OTOS: variants seen among roughly 807,000 people sequenced by gnomAD.
OTOS encodes the protein otospiralin.
OTOS carries 14 observed loss-of-function variants against 12.5 expected under a neutral mutation model. The observed-to-expected ratio is 1.12, with a 90% CI of 0.74 to 1.76. OTOS has a LOEUF of 1.76. OTOS is among the 40% of genes most tolerant of loss of function. The probability of loss-of-function intolerance (pLI) is 0.00; values close to 1 mark genes in which losing one functional copy is unlikely to be tolerated. For synonymous variants in OTOS, 49 were observed against 47.6 expected, an observed-to-expected ratio of 1.03 and a Z score of -0.12; for missense variants, 141 against 112.8, an observed-to-expected ratio of 1.25 and a Z score of -1.13.
Position 240,139,047 on chromosome 2 carries a change from T to G in OTOS, c.*123A>C. 2.0e-6 allele frequency: 2 copies of G among 1,011,680 alleles called. No individual in the cohort carries two copies. Among genetic ancestry groups the G allele is most frequent in the Non-Finnish European group, 1.4e-6 (1 of 710,508 alleles). The allele number at this position is 1,011,680 out of a possible 1,614,324, so 62.7% of individuals were successfully genotyped here. On this transcript the variant is annotated 3_prime_UTR_variant, in exon 4 of 4. Coordinates refer to ENST00000319460, the MANE Select transcript of OTOS (RefSeq NM_148961.4). ...CTGGTTGTGCATCTTCAGTCCGGAG[T>G]TTATTGAGCGTGAGACCAGGCCTGA...
At chr2:240,139,913 G>A in intron 3 of OTOS, 149 bp downstream of exon 3, 1 of 881,722 alleles carries the variant, frequency 1.1e-6, no homozygotes, top group East Asian at 2.7e-5. Context: ...GGCTCTCAAG[G>A]GCCATGTTTT....
intron 3 of OTOS, 33 bp downstream of exon 3, chr2:240,140,029 G>T: frequency 6.2e-7 from 1 of 1,610,870 alleles, no homozygotes; most frequent in Non-Finnish European, 8.5e-7. Flanking sequence ...AGTTACTTAT[G>T]CAAATGAAAG....
Position 240,140,156 on chromosome 2 carries a change from C to T in OTOS, c.59-68G>A, listed in dbSNP as rs1171800130. 8.7e-6 allele frequency: 14 copies of T among 1,605,170 alleles called. No homozygotes were observed. The African/African-American group carries it at 1.7e-4, about 20-fold the overall frequency. On this transcript the variant is annotated intron_variant, in intron 2 of 3. Coordinates refer to ENST00000319460, the MANE Select transcript of OTOS (RefSeq NM_148961.4). The stretch of plus-strand genomic sequence containing the variant: ...GGTGCCGGTTGGGCCCACCCGACAC[C>T]AGCTGCAGGGCTCTAAGGTTTCCTA...
chr2:240,140,025 T>G lies in OTOS; in HGVS notation c.85+37A>C, dbSNP rs755159409. ...TTTCTCCCCGCTGCATACCAGTTAC[T>G]TATGCAAATGAAAGGAAAGAAATTG... On this transcript the variant is annotated intron_variant, in intron 3 of 3. Transcript: ENST00000319460. 62 of 1,609,048 alleles carry G rather than the reference T, an allele frequency of 3.9e-5. 2 individuals are homozygous for G. In the South Asian group the frequency reaches 6.8e-4, roughly 18 times the overall value.
In OTOS at chr2:240,139,353, G is replaced by A; in HGVS notation, c.87C>T (p.Asp29=). The change falls in exon 4 of 4, where the codon GAC becomes GAT. Residue 29 remains aspartate (D), a splice_region_variant and synonymous_variant. Transcript: ENST00000319460. ...AGAKPVQEEG[D]PYAELPAMPY... ...GCATGGCCGGCAGCTCCGCGTAAGG[G>A]TCTGAAAGACACAAGACACCTGCCT... 6.2e-7 allele frequency: 1 copy of A among 1,611,016 alleles called. No individual in the cohort carries two copies. Among genetic ancestry groups the A allele is most frequent in the Non-Finnish European group, 8.5e-7 (1 of 1,177,922 alleles).
At chr2:240,140,539 T>C (rs2291768) in intron 1 of OTOS, 81 bp downstream of exon 1, 53,140 of 570,536 alleles carry the variant, frequency 0.093, 4,214 homozygotes, top group African/African-American at 0.31. Context: ...GGAGGTGAAA[T>C]CCCTGCCTCA....
chr2:240,140,150 C>A, intron 2 of OTOS, 62 bp from the exon 3 acceptor site: 1 of 1,606,558 alleles, frequency 6.2e-7, no homozygotes, highest in South Asian at 1.1e-5. Context: ...TGGGCCCACC[C>A]GACACCAGCT....
chr2:240,140,290 G>C lies in OTOS; in HGVS notation c.37C>G (p.Leu13Val), dbSNP rs755748781. The C allele has an allele frequency of 3.1e-5, 50 of 1,596,756 alleles. No homozygotes were observed. The highest frequency in any genetic ancestry group is 4.3e-5 in the Non-Finnish European group (50 of 1,171,664). The stretch of plus-strand genomic sequence containing the variant: ...TCACCTGCAAGAGGCCCCAGTAGGA[G>C]GCAGAGGGCCAGCCCCGGCACCATG... ...ACMVPGLALCLLLGPLAGAKP... is the reference protein window; with the variant it reads ...ACMVPGLALCVLLGPLAGAKP... Residue 13 changes from leucine (L) to valine (V), a missense_variant, in exon 2 of 4, where the codon CTC (leucine) becomes GTC (valine). By Grantham distance (32) the Leu-to-Val change is conservative. Transcript: ENST00000319460.
At chr2:240,140,467 A>T (rs508944) in intron 1 of OTOS, 23 bp from the exon 2 acceptor site, 131,693 of 655,148 alleles carry the variant, frequency 0.2, 12,511 homozygotes, top group South Asian at 0.31. Context: ...GCATGGATTT[A>T]AAAAAAAAAT....
intron 2 of OTOS, 48 bp downstream of exon 2, chr2:240,140,221 G>A (rs780657643): frequency 1.3e-6 from 2 of 1,583,612 alleles, no homozygotes; most frequent in Non-Finnish European, 1.7e-6. Flanking sequence ...AGAACAGGAG[G>A]GCTGTCGGGG....
rs560883798 is a variant in OTOS, at chr2:240,139,962, G to A, written c.85+100C>T. ...TGAGCTGAGCCAGGGCCCCTGATGC[G>A]TCTGCTTGGGATAAGAAGCTGCTGC... On this transcript the variant is annotated intron_variant, in intron 3 of 3. Transcript: ENST00000319460. 7.4e-5 allele frequency: 104 copies of A among 1,402,352 alleles called. No homozygotes were observed. The Middle Eastern group carries it at 7.6e-4, about 10-fold the overall frequency. 86.9% of individuals were successfully genotyped at this position (1,402,352 alleles called of 1,614,324 possible). A position where few individuals can be genotyped will look rare whatever the true frequency, so the allele number is the denominator to read the frequency against.
chr2:240,139,495 C>T (rs1170407616), intron 3 of OTOS, 141 bp from the exon 4 acceptor site: 1 of 794,190 alleles, frequency 1.3e-6, no homozygotes, highest in South Asian at 2.0e-5. Context: ...GGGCCTGAGC[C>T]CATCCCCTCT....
chr2:240,139,566 A>AAGAGAGGGAG (rs1559484985), intron 3 of OTOS, among the ~76,000 whole-genome samples: 1 of 152,022 alleles, frequency 6.6e-6, no homozygotes, highest in African/African-American at 2.4e-5. Context: ...GAAGAGAGGG[A>AAGAGAGGGAG]GGGAAGCCCT....
At chr2:240,140,466 T>A (rs1008541991) in intron 1 of OTOS, 22 bp from the exon 2 acceptor site, 23 of 766,114 alleles carry the variant, frequency 3.0e-5, no homozygotes, top group African/African-American at 1.6e-4. Flanking sequence ...GGCATGGATT[T>A]AAAAAAAAAA....
intron 3 of OTOS, among the ~76,000 whole-genome samples, chr2:240,139,760 G>A (rs2072037898): frequency 6.6e-6 from 1 of 152,184 alleles, no homozygotes; most frequent in South Asian, 2.1e-4. Context: ...GAGGGCCTGG[G>A]GGCTGGAACC....
At chr2:240,140,236 T>C (rs2072043554) in intron 2 of OTOS, 33 bp downstream of exon 2, 3 of 1,582,966 alleles carry the variant, frequency 1.9e-6, no homozygotes, top group African/African-American at 1.3e-5. Flanking sequence ...TCGGGGGTCC[T>C]GGTGGCTGCC....
intron 3 of OTOS, 54 bp downstream of exon 3, chr2:240,140,008 C>G: frequency 6.3e-7 from 1 of 1,589,674 alleles, no homozygotes; most frequent in Non-Finnish European, 8.6e-7. Context: ...AGTTTCTCCC[C>G]GCTGCATACC....
Position 240,140,296 on chromosome 2 carries a change from G to T in OTOS, c.31C>A (p.Leu11Ile), listed in dbSNP as rs779746747. 1 of 1,596,828 alleles carries T rather than the reference G, an allele frequency of 6.3e-7. No homozygotes were observed. The highest frequency in any genetic ancestry group is 1.1e-5 in the South Asian group (1 of 88,376). The part of the protein sequence containing the change: MQACMVPGLA[L>I]CLLLGPLAGA... ...GCAAGAGGCCCCAGTAGGAGGCAGA[G>T]GGCCAGCCCCGGCACCATGCAGGCC... The change falls in exon 2 of 4, where the codon CTC becomes ATC. Residue 11 changes from leucine (L) to isoleucine (I), a missense_variant. Physicochemically the swap from Leu to Ile is conservative, Grantham distance 5. Coordinates refer to ENST00000319460, the MANE Select transcript of OTOS (RefSeq NM_148961.4).
At chr2:240,139,739 C>T (rs1024514183) in intron 3 of OTOS, among the ~76,000 whole-genome samples, 2 of 152,162 alleles carry the variant, frequency 1.3e-5, no homozygotes, top group African/African-American at 4.8e-5. Context: ...TGAGCTAGGG[C>T]TCAGAGTTGG....
Sources: allele counts gnomAD v4.1 joint callset (sites outside exome capture counted in the v4.1 genomes callset), GRCh38; gene constraint gnomAD v4.1.1; transcripts MANE v1.5; gene names NCBI Gene and HGNC (gene_info 2026-07-23, HGNC 2026-07-21).